Variants in NRXN3 observed in about 807,000 individuals in gnomAD.
The protein encoded by NRXN3 is neurexin III.
In NRXN3, 32 loss-of-function variants were observed where a neutral mutation model predicts 137.6. That is an observed-to-expected ratio of 0.23 (90% CI 0.18 to 0.31). NRXN3 has a LOEUF of 0.31. Ranked by LOEUF, NRXN3 falls within the 10% of genes least tolerant of loss-of-function variation. The pLI, the probability that NRXN3 is intolerant of heterozygous loss-of-function variation, is 1.00. For synonymous variants in NRXN3, 798 were observed against 784.5 expected (o/e 1.02, Z -0.29); for missense variants, 1,574 against 2,062.5 (o/e 0.76, Z 4.59).
chr14:79,078,957 T>A (rs2046430670), intron 15 of NRXN3, among the ~76,000 whole-genome samples: 1 of 152,128 alleles, frequency 6.6e-6, no homozygotes, highest in Non-Finnish European at 1.5e-5. Flanking sequence ...AGAACCTAAC[T>A]CATTTTCTGT....
Position 79,200,332 on chromosome 14 carries a change from T to A in NRXN3, c.3262+212191T>A, listed in dbSNP as rs74069192. On this transcript the variant is annotated intron_variant, in intron 15 of 20. Transcript: ENST00000335750. ...TGGATGATACTCTACAGAAAAGAAG[T>A]TTGCTTAGAGGATTTGGCATATCCA... 8.8e-3 allele frequency among the ~76,000 whole-genome samples: 1,342 copies of A among 152,184 alleles called. 21 individuals are homozygous for A. Among genetic ancestry groups the A allele is most frequent in the African/African-American group, 0.031 (1,280 of 41,506 alleles).
intron 10 of NRXN3, among the ~76,000 whole-genome samples, chr14:78,946,879 C>G (rs1384956732): frequency 1.3e-5 from 2 of 152,128 alleles, no homozygotes; most frequent in African/African-American, 4.8e-5. Context: ...AATTGAAATA[C>G]ACTTGATTTA....
chr14:78,752,334 T>C (rs2152954661), intron 8 of NRXN3, among the ~76,000 whole-genome samples: 1 of 152,302 alleles, frequency 6.6e-6, no homozygotes. Flanking sequence ...CAGAATCACT[T>C]GAACCCAGGA....
At chr14:79,164,790 G>C (rs1038767312) in intron 15 of NRXN3, among the ~76,000 whole-genome samples, 17 of 151,962 alleles carry the variant, frequency 1.1e-4, no homozygotes, top group Non-Finnish European at 2.9e-5. Context: ...TTCTAAGACT[G>C]TCACAACATT....
chr14:79,209,853 A>G (rs151103258), intron 15 of NRXN3, among the ~76,000 whole-genome samples: 81 of 152,296 alleles, frequency 5.3e-4, no homozygotes, highest in South Asian at 3.3e-3. Flanking sequence ...ATGCACAGCT[A>G]TTAGTCTGTA....
At chr14:79,134,575 A>C (rs1208855029) in intron 15 of NRXN3, among the ~76,000 whole-genome samples, 2 of 152,232 alleles carry the variant, frequency 1.3e-5, no homozygotes, top group Non-Finnish European at 2.9e-5. Flanking sequence ...TCTCATTGCC[A>C]TAGAGAAGCA....
chr14:79,632,895 T>C (rs756372715), intron 16 of NRXN3, among the ~76,000 whole-genome samples: 17 of 152,188 alleles, frequency 1.1e-4, no homozygotes, highest in Admixed American at 1.3e-4. Context: ...ATACAGCTTT[T>C]ATAGCACTAA....
chr14:79,403,799 A>G (rs2095257106), intron 15 of NRXN3, among the ~76,000 whole-genome samples: 1 of 152,162 alleles, frequency 6.6e-6, no homozygotes. Context: ...TGGGTACTGC[A>G]TGCTGGAGAG....
chr14:78,961,526 A>G (rs2099408143), intron 11 of NRXN3, among the ~76,000 whole-genome samples: 1 of 152,236 alleles, frequency 6.6e-6, no homozygotes. Flanking sequence ...TGATTCAATC[A>G]TTTCGGAGGA....
chr14:78,781,639 CAA>C (rs1381068733), intron 8 of NRXN3, among the ~76,000 whole-genome samples: 2 of 152,048 alleles, frequency 1.3e-5, no homozygotes, highest in Non-Finnish European at 2.9e-5. Context: ...GAGAAAATGT[CAA>C]AATTGTGAAT....
chr14:78,201,698 G>A (rs753735936), intron 1 of NRXN3, among the ~76,000 whole-genome samples: 15 of 152,276 alleles, frequency 9.9e-5, no homozygotes, highest in South Asian at 2.1e-4. Context: ...TTTGCTACAC[G>A]AAGGAGCTGC....
intron 10 of NRXN3, among the ~76,000 whole-genome samples, chr14:78,886,329 T>A (rs2099143599): frequency 6.6e-6 from 1 of 152,124 alleles, no homozygotes; most frequent in African/African-American, 2.4e-5. Context: ...ATTTGTCTCA[T>A]CCATTATTGT....
intron 4 of NRXN3, among the ~76,000 whole-genome samples, chr14:78,558,697 A>T (rs752269291): frequency 2.0e-5 from 3 of 152,230 alleles, no homozygotes; most frequent in Non-Finnish European, 4.4e-5. Context: ...TAATCCAATA[A>T]GCAGCTTATG....
At chr14:79,237,559 C>T (rs1278767685) in intron 15 of NRXN3, among the ~76,000 whole-genome samples, 1 of 152,020 alleles carries the variant, frequency 6.6e-6, no homozygotes, top group Non-Finnish European at 1.5e-5. Flanking sequence ...TTGGCTCCTT[C>T]CCTTGTCTCT....
rs539167161 is a variant in NRXN3 at position 78,740,954 on chromosome 14, T to C, written c.2044+25815T>C. 6.0e-4 allele frequency among the ~76,000 whole-genome samples: 92 copies of C among 152,318 alleles called. 2 individuals are homozygous for C. The South Asian group carries it at 0.018, about 29-fold the overall frequency. ...AATAGCTCTGTGCAGTGGGCTTTGC[T>C]GTTCTTATTTTACATGTTAGGATAT... is the stretch of plus-strand genomic sequence containing the variant. On this transcript the variant is annotated intron_variant, in intron 8 of 20. Transcript: ENST00000335750.
chr14:79,519,215 CAG>C (rs1028603138), intron 16 of NRXN3, among the ~76,000 whole-genome samples: 7 of 152,032 alleles, frequency 4.6e-5, no homozygotes, highest in South Asian at 2.1e-4. Flanking sequence ...TATATTTGCA[CAG>C]AGTTAGCCAA....
chr14:78,441,946 A>G (rs947606398), intron 4 of NRXN3, among the ~76,000 whole-genome samples: 18 of 152,002 alleles, frequency 1.2e-4, no homozygotes, highest in African/African-American at 4.3e-4. Flanking sequence ...AATACAAAAA[A>G]TTAGCCAGGC....
intron 10 of NRXN3, among the ~76,000 whole-genome samples, chr14:78,927,060 T>A (rs1365909498): frequency 8.1e-6 from 1 of 123,980 alleles, no homozygotes; most frequent in Non-Finnish European, 1.6e-5. Flanking sequence ...GAGGCTGAAG[T>A]GGGAGGATCT....
intron 15 of NRXN3, among the ~76,000 whole-genome samples, chr14:79,006,917 G>A (rs1280866059): frequency 2.6e-5 from 4 of 152,142 alleles, no homozygotes; most frequent in African/African-American, 7.2e-5. Flanking sequence ...GCTAAATGAA[G>A]TACTACAGGG....
Sources: allele counts gnomAD v4.1 joint callset (sites outside exome capture counted in the v4.1 genomes callset), GRCh38; gene constraint gnomAD v4.1.1; transcripts MANE v1.5; gene names NCBI Gene and HGNC (gene_info 2026-07-23, HGNC 2026-07-21).